Variants in LAMA3 observed in about 807,000 individuals in gnomAD.
The protein encoded by LAMA3 is laminin subunit alpha-3.
In LAMA3, 281 loss-of-function variants were observed where a neutral mutation model predicts 402.0. That is an observed-to-expected ratio of 0.70 (90% CI 0.63 to 0.77). The LOEUF (loss-of-function observed/expected upper bound fraction) is 0.77. Among genes scored for constraint, LAMA3 ranks in the 30% least tolerant of loss-of-function variants. LAMA3 has a pLI of 0.00. For synonymous variants in LAMA3, 1,431 were observed against 1,558.4 expected, an observed-to-expected ratio of 0.92 and a Z score of 1.93; for missense variants, 3,840 against 4,215.5, an observed-to-expected ratio of 0.91 and a Z score of 2.47.
intron 2 of LAMA3, among the ~76,000 whole-genome samples, chr18:23,723,172 A>T (rs2061243386): frequency 6.6e-6 from 1 of 152,164 alleles, no homozygotes; most frequent in Non-Finnish European, 1.5e-5. Flanking sequence ...CTCAGTACTG[A>T]TGTTACTTCC....
intron 38 of LAMA3, among the ~76,000 whole-genome samples, chr18:23,875,910 T>C (rs1020965692): frequency 6.6e-6 from 1 of 151,876 alleles, no homozygotes; most frequent in Non-Finnish European, 1.5e-5. Context: ...CATCTCACAC[T>C]CCCACCAGGG....
At chr18:23,706,119 T>C (rs535696658) in intron 1 of LAMA3, among the ~76,000 whole-genome samples, 5 of 152,244 alleles carry the variant, frequency 3.3e-5, no homozygotes, top group Non-Finnish European at 5.9e-5. Flanking sequence ...GATTCATCAA[T>C]ATTGTTTCAT....
intron 70 of LAMA3, among the ~76,000 whole-genome samples, chr18:23,948,835 G>A (rs1371740605): frequency 3.9e-5 from 6 of 152,144 alleles, no homozygotes; most frequent in African/African-American, 1.4e-4. Flanking sequence ...CTCCCAAAGT[G>A]CTGGGATTAC....
At chr18:23,836,104 G>GAC (rs2063575259) in intron 24 of LAMA3, among the ~76,000 whole-genome samples, 1 of 75,716 alleles carries the variant, frequency 1.3e-5, no homozygotes, top group African/African-American at 6.6e-5. Flanking sequence ...TGTTTTAATG[G>GAC]ATACACACAC....
At position 23,932,185 on chromosome 18, in the gene LAMA3, C is replaced by T; in HGVS notation, c.8602C>T (p.Leu2868Phe). Residue 2868 changes from leucine to phenylalanine, a missense_variant, in exon 66 of 75, where the codon CTT becomes TTT. Leu to Phe is a conservative substitution (Grantham distance 22). Transcript: ENST00000313654. The stretch of plus-strand genomic sequence containing the variant: ...ACTACGGCTTCTCATCGATGACCAG[C>T]TTCTGAGAAATAGCAAAAGGCTAAA... ...SGLRLLIDDQ[L>F]LRNSKRLKHI... 6.2e-7 allele frequency: 1 copy of T among 1,614,130 alleles called. No individual in the cohort carries two copies. Among genetic ancestry groups the T allele is most frequent in the Non-Finnish European group, 8.5e-7 (1 of 1,179,946 alleles).
intron 8 of LAMA3, 39 bp downstream of exon 8, chr18:23,763,562 G>A (rs923049378): frequency 8.4e-6 from 10 of 1,194,084 alleles, no homozygotes; most frequent in Non-Finnish European, 1.3e-5. Flanking sequence ...GTGTTGTCAT[G>A]GGGAATGAGT....
chr18:23,933,983 C>G (rs776517628), intron 67 of LAMA3, 48 bp downstream of exon 67: 1 of 1,583,384 alleles, frequency 6.3e-7, no homozygotes, highest in Non-Finnish European at 8.7e-7. Flanking sequence ...CTGGAGGATT[C>G]CCCTGAGCCT....
chr18:23,805,157 G>A (rs539907199), intron 12 of LAMA3, among the ~76,000 whole-genome samples: 43 of 152,294 alleles, frequency 2.8e-4, no homozygotes, highest in African/African-American at 9.9e-4. Flanking sequence ...ACTAACAGCT[G>A]CATTCCAGGT....
At chr18:23,696,055 TGAAAGC>T (rs2060681540) in intron 1 of LAMA3, among the ~76,000 whole-genome samples, 1 of 152,050 alleles carries the variant, frequency 6.6e-6, no homozygotes, top group Admixed American at 6.6e-5. Context: ...AATTGTGAAA[TGAAAGC>T]TCCTATTCCC....
intron 56 of LAMA3, among the ~76,000 whole-genome samples, chr18:23,913,267 G>A (rs957014588): frequency 6.6e-6 from 1 of 152,162 alleles, no homozygotes; most frequent in Non-Finnish European, 1.5e-5. Flanking sequence ...TCACAGAATT[G>A]TGACCTTGTC....
intron 29 of LAMA3, 22 bp downstream of exon 29, chr18:23,842,772 A>G (rs757986304): frequency 9.9e-6 from 16 of 1,613,822 alleles, no homozygotes; most frequent in Admixed American, 1.7e-5. Context: ...TCGTTCCTCA[A>G]CTTGCTCCTC....
intron 12 of LAMA3, among the ~76,000 whole-genome samples, chr18:23,786,929 C>T (rs2062556228): frequency 6.6e-6 from 1 of 152,054 alleles, no homozygotes; most frequent in South Asian, 2.1e-4. Flanking sequence ...AATCAGCAAA[C>T]TTAATGACAG....
chr18:23,695,796 C>CAAAAAAAAAAAAAAAAAAAAAAAAA (rs58873998), intron 1 of LAMA3, among the ~76,000 whole-genome samples: 1 of 38,620 alleles, frequency 2.6e-5, no homozygotes, highest in African/African-American at 1.1e-4. Context: ...GACTCCATCT[C>CAAAAAAAAAAAAAAAAAAAAAAAAA]AAAAAAAAAA....
Position 23,842,419 on chromosome 18 carries a change from G to A in LAMA3, c.3361G>A (p.Val1121Ile). The A allele has an allele frequency of 6.2e-7, 1 of 1,614,016 alleles. No homozygotes were observed. The highest frequency in any genetic ancestry group is 8.5e-7 in the Non-Finnish European group (1 of 1,180,022). ...PQNQVTLRGR[V>I]PHLGRYVFVI... ...GAATCAAGTGACCCTGAGAGGACGT[G>A]TACCACACCTGGGCCGATACGTCTT... The change falls in exon 28 of 75, where the codon GTA becomes ATA. Residue 1121 changes from valine to isoleucine, a missense_variant. Coordinates refer to ENST00000313654, the MANE Select transcript of LAMA3 (RefSeq NM_198129.4).
chr18:23,800,077 C>T (rs946670537), intron 12 of LAMA3, among the ~76,000 whole-genome samples: 2 of 152,212 alleles, frequency 1.3e-5, no homozygotes, highest in Non-Finnish European at 2.9e-5. Flanking sequence ...ATCTGGGCAT[C>T]GTAGCCTAGT....
intron 7 of LAMA3, among the ~76,000 whole-genome samples, chr18:23,759,691 A>G (rs2061929609): frequency 6.6e-6 from 1 of 152,144 alleles, no homozygotes; most frequent in South Asian, 2.1e-4. Context: ...ATAGGACTTT[A>G]TACTTTTTGA....
At chr18:23,943,368 T>G (rs1261990161) in intron 68 of LAMA3, among the ~76,000 whole-genome samples, 1 of 152,240 alleles carries the variant, frequency 6.6e-6, no homozygotes, top group Non-Finnish European at 1.5e-5. Flanking sequence ...CGAGATTGAT[T>G]GTACAACAAT....
chr18:23,789,120 TC>T (rs2062602778), intron 12 of LAMA3, among the ~76,000 whole-genome samples: 1 of 152,036 alleles, frequency 6.6e-6, no homozygotes, highest in South Asian at 2.1e-4. Context: ...TAAATGCAAA[TC>T]TAAACCACAA....
intron 47 of LAMA3, chr18:23,899,749 C>T: frequency 3.1e-6 from 1 of 324,954 alleles, no homozygotes; most frequent in Non-Finnish European, 5.9e-6. Flanking sequence ...TGCTTATTCA[C>T]CTCTTTCCAG....
Sources: gnomAD v4.1 joint callset for allele counts (sites outside exome capture counted in the v4.1 genomes callset) on GRCh38, gnomAD v4.1.1 for gene constraint, MANE v1.5 for transcripts, NCBI Gene and HGNC (gene_info 2026-07-23, HGNC 2026-07-21) for gene names.